EYS: variants seen among roughly 807,000 people sequenced by gnomAD.
EYS encodes EGF-like photoreceptor maintenance factor, also known as protein eyes shut homolog.
In EYS, 250 loss-of-function variants were observed where a neutral mutation model predicts 282.1. The observed-to-expected ratio is 0.89, with a 90% CI of 0.80 to 0.98. The LOEUF (loss-of-function observed/expected upper bound fraction) is 0.98, where lower values mean the gene tolerates loss of function less well. Ranked by LOEUF, EYS falls within the 50% of genes least tolerant of loss-of-function variation. The pLI is 0.00. For missense variants in EYS, 4,016 were observed against 3,709.0 expected (o/e 1.08, Z -2.15); for synonymous variants, 1,355 against 1,282.9 (o/e 1.06, Z -1.20).
chr6:64,451,584 G>A (rs2150477639), intron 26 of EYS, among the ~76,000 whole-genome samples: 1 of 152,256 alleles, frequency 6.6e-6, no homozygotes, highest in Middle Eastern at 3.4e-3. Context: ...CAATATCCTT[G>A]ACGAACATTG....
At chr6:63,966,148 G>C (rs1484371153) in intron 35 of EYS, among the ~76,000 whole-genome samples, 1 of 152,160 alleles carries the variant, frequency 6.6e-6, no homozygotes, top group Non-Finnish European at 1.5e-5. Flanking sequence ...TAAAGAAACT[G>C]TAGTATGTAT....
At chr6:65,090,381 C>A (rs569643881) in intron 12 of EYS, among the ~76,000 whole-genome samples, 1 of 152,230 alleles carries the variant, frequency 6.6e-6, no homozygotes, top group East Asian at 1.9e-4. Context: ...TTTCCTTAGG[C>A]CTCACCTGCC....
chr6:64,833,359 C>T (rs1278613369), intron 19 of EYS, among the ~76,000 whole-genome samples: 1 of 151,726 alleles, frequency 6.6e-6, no homozygotes, highest in Non-Finnish European at 1.5e-5. Flanking sequence ...GACAATTTTG[C>T]TTCAGATAAA....
intron 10 of EYS, among the ~76,000 whole-genome samples, chr6:65,342,211 A>G (rs1180743485): frequency 6.7e-6 from 1 of 149,636 alleles, no homozygotes; most frequent in Non-Finnish European, 1.5e-5. Context: ...TTTTAAATAA[A>G]TGACACTTCA....
chr6:64,658,945 G>T (rs1232570864), intron 22 of EYS, among the ~76,000 whole-genome samples: 1 of 152,170 alleles, frequency 6.6e-6, no homozygotes, highest in Non-Finnish European at 1.5e-5. Context: ...ATTCTTCTCA[G>T]CACCACACTG....
At chr6:65,672,305 A>G (rs1262023425) in intron 1 of EYS, among the ~76,000 whole-genome samples, 2 of 152,152 alleles carry the variant, frequency 1.3e-5, no homozygotes, top group African/African-American at 4.8e-5. Context: ...AAAAGAAATG[A>G]GTGACTTACA....
intron 5 of EYS, among the ~76,000 whole-genome samples, chr6:65,430,803 C>G (rs900968161): frequency 1.3e-5 from 2 of 152,132 alleles, no homozygotes; most frequent in African/African-American, 4.8e-5. Flanking sequence ...TGCTGACTTG[C>G]AGGAAAGGAT....
intron 26 of EYS, among the ~76,000 whole-genome samples, chr6:64,473,854 T>C (rs1221626735): frequency 6.6e-6 from 1 of 152,192 alleles, no homozygotes; most frequent in Admixed American, 6.5e-5. Context: ...ATGACTTAGT[T>C]ATTGGTTTCA....
intron 28 of EYS, among the ~76,000 whole-genome samples, chr6:64,429,725 G>A (rs1303039686): frequency 6.6e-6 from 1 of 152,004 alleles, no homozygotes; most frequent in East Asian, 1.9e-4. Context: ...CTTTTCCCAC[G>A]TTAAATGATG....
At chr6:64,955,025 A>G (rs1769647451) in intron 14 of EYS, among the ~76,000 whole-genome samples, 1 of 151,922 alleles carries the variant, frequency 6.6e-6, no homozygotes, top group Non-Finnish European at 1.5e-5. Flanking sequence ...AATACAAAAC[A>G]AAAAATTAGC....
intron 8 of EYS, among the ~76,000 whole-genome samples, chr6:65,371,993 T>C (rs71534838): frequency 0.01 from 970 of 93,104 alleles, 11 homozygotes; most frequent in African/African-American, 0.022. Flanking sequence ...AGGATAATTG[T>C]AAAAAAAAAA....
intron 2 of EYS, among the ~76,000 whole-genome samples, chr6:65,521,828 A>G (rs1767383067): frequency 6.6e-6 from 1 of 152,176 alleles, no homozygotes; most frequent in Admixed American, 6.5e-5. Context: ...AGATTCTAAT[A>G]TCTCCTACTC....
chr6:65,330,143 C>T, intron 11 of EYS: 2 of 981,616 alleles, frequency 2.0e-6, no homozygotes, highest in Non-Finnish European at 2.4e-6. Flanking sequence ...AACAGAAGAA[C>T]CATGAGATGT....
At chr6:65,432,016 C>T (rs1236092302) in intron 5 of EYS, among the ~76,000 whole-genome samples, 3 of 152,082 alleles carry the variant, frequency 2.0e-5, no homozygotes, top group African/African-American at 7.2e-5. Context: ...TAGATTCCTT[C>T]TGGAAACCAA....
intron 28 of EYS, among the ~76,000 whole-genome samples, chr6:64,416,331 T>C (rs1051250150): frequency 1.3e-5 from 2 of 152,302 alleles, no homozygotes; most frequent in Non-Finnish European, 2.9e-5. Flanking sequence ...ATGCTTAAAG[T>C]AATTCTCATC....
chr6:65,260,290 AATTAT>A (rs1357295813), intron 12 of EYS, among the ~76,000 whole-genome samples: 6 of 152,104 alleles, frequency 3.9e-5, no homozygotes, highest in African/African-American at 1.4e-4. Context: ...GAATTATAAG[AATTAT>A]AATTCAAGAT....
chr6:64,192,253 C>A (rs201190972), intron 31 of EYS, among the ~76,000 whole-genome samples: 1 of 151,542 alleles, frequency 6.6e-6, no homozygotes, highest in Non-Finnish European at 1.5e-5. Flanking sequence ...GAGTAGGTTG[C>A]GAAAATTTTC....
intron 24 of EYS, among the ~76,000 whole-genome samples, chr6:64,612,933 G>A (rs1055459309): frequency 6.6e-6 from 1 of 152,064 alleles, no homozygotes; most frequent in Non-Finnish European, 1.5e-5. Context: ...TTAGAGGGAA[G>A]TTCAGGTGAA....
intron 2 of EYS, among the ~76,000 whole-genome samples, chr6:65,520,349 T>A (rs1767320439): frequency 6.6e-6 from 1 of 152,170 alleles, no homozygotes; most frequent in African/African-American, 2.4e-5. Context: ...TGTTTATTTT[T>A]AATGAGTGTA....
Sources: allele counts gnomAD v4.1 joint callset (sites outside exome capture counted in the v4.1 genomes callset), GRCh38; gene constraint gnomAD v4.1.1; transcripts MANE v1.5; gene names NCBI Gene and HGNC (gene_info 2026-07-23, HGNC 2026-07-21).